Variants in MACROD2 observed in about 807,000 individuals in gnomAD.
MACROD2 encodes the protein ADP-ribose glycohydrolase MACROD2.
MACROD2 carries 36 observed loss-of-function variants against 70.4 expected under a neutral mutation model. That is an observed-to-expected ratio of 0.51 (90% CI 0.39 to 0.68). The LOEUF (loss-of-function observed/expected upper bound fraction) is 0.68. MACROD2 is among the 30% of genes least tolerant of loss of function. The pLI is 0.00. For missense variants in MACROD2, 496 were observed against 538.4 expected (o/e 0.92, Z 0.78); for synonymous variants, 172 against 178.8 (o/e 0.96, Z 0.30).
intron 5 of MACROD2, among the ~76,000 whole-genome samples, chr20:14,812,341 G>A (rs1447917587): frequency 6.6e-6 from 1 of 151,978 alleles, no homozygotes; most frequent in Non-Finnish European, 1.5e-5. Flanking sequence ...AACACCACAT[G>A]TTCTCACTCA....
In MACROD2 at chr20:15,759,145, C is replaced by CAAAAAA. The variant is rs57212358; in HGVS notation, c.646-103584_646-103579dup. Among the ~76,000 whole-genome samples the CAAAAAA allele has an allele frequency of 2.1e-3, 125 of 58,830 alleles. 2 individuals carry two copies. The highest frequency in any genetic ancestry group is 2.3e-3 in the Non-Finnish European group (74 of 32,716). 38.6% of individuals were successfully genotyped at this position (58,830 alleles called of 152,430 possible). On this transcript the variant is annotated intron_variant, in intron 8 of 17. Transcript: ENST00000684519. Reference sequence around the variant, plus strand: ...TGGGTGACAGAGCAAGACTCCATCTCAAAAAAAAAAAAAAAAAAAAACAGA... The same window carrying CAAAAAA: ...TGGGTGACAGAGCAAGACTCCATCTCAAAAAAAAAAAAAAAAAAAAAAAAAAACAGA...
chr20:14,406,988 T>C (rs1339370866), intron 3 of MACROD2, among the ~76,000 whole-genome samples: 1 of 152,160 alleles, frequency 6.6e-6, no homozygotes, highest in African/African-American at 2.4e-5. Context: ...ATGTGGGTTC[T>C]GTTATCATGA....
At chr20:14,460,441 C>T (rs2084355169) in intron 3 of MACROD2, among the ~76,000 whole-genome samples, 2 of 152,034 alleles carry the variant, frequency 1.3e-5, no homozygotes, top group African/African-American at 4.8e-5. Flanking sequence ...GATGGTAACC[C>T]ACTGTGATTT....
At chr20:14,690,248 A>C (rs2071047798) in intron 5 of MACROD2, among the ~76,000 whole-genome samples, 1 of 145,908 alleles carries the variant, frequency 6.9e-6, no homozygotes, top group Non-Finnish European at 1.5e-5. Context: ...AAATGGTGGA[A>C]TCTGTTTCTT....
intron 5 of MACROD2, among the ~76,000 whole-genome samples, chr20:15,024,787 T>C (rs953262068): frequency 6.6e-6 from 1 of 152,192 alleles, no homozygotes; most frequent in Non-Finnish European, 1.5e-5. Flanking sequence ...AACAGACTAT[T>C]GATCTAGTTT....
intron 3 of MACROD2, among the ~76,000 whole-genome samples, chr20:14,291,905 G>A (rs1170401981): frequency 6.6e-6 from 1 of 151,908 alleles, no homozygotes; most frequent in African/African-American, 2.4e-5. Context: ...TTTTAGGCAA[G>A]TGGTTCACTA....
chr20:14,008,739 CA>C (rs572318136), intron 2 of MACROD2, among the ~76,000 whole-genome samples: 78 of 152,218 alleles, frequency 5.1e-4, no homozygotes, highest in African/African-American at 1.8e-3. Context: ...CCAAAGTAAC[CA>C]AAATGGCATG....
intron 9 of MACROD2, among the ~76,000 whole-genome samples, chr20:15,869,267 A>AGAGAGAGAGAGAGAGAGAGAGC (rs2064546365): frequency 7.1e-6 from 1 of 141,244 alleles, no homozygotes; most frequent in African/African-American, 2.6e-5. Context: ...AGAGAGAGAG[A>AGAGAGAGAGAGAGAGAGAGAGC]GCAATGCTGG....
At chr20:14,308,154 G>T (rs1980625) in intron 3 of MACROD2, among the ~76,000 whole-genome samples, 137,048 of 152,180 alleles carry the variant, frequency 0.9, 61,825 homozygotes, top group Non-Finnish European at 0.92. Context: ...GAGCTAAACT[G>T]GCTGTAATAA....
chr20:14,584,748 G>A (rs1236875606), intron 4 of MACROD2, among the ~76,000 whole-genome samples: 1 of 152,056 alleles, frequency 6.6e-6, no homozygotes. Flanking sequence ...AATTCATTGA[G>A]CCTAATTAAA....
intron 8 of MACROD2, among the ~76,000 whole-genome samples, chr20:15,678,634 TAAATA>T (rs1400846756): frequency 6.6e-6 from 1 of 152,018 alleles, no homozygotes; most frequent in Non-Finnish European, 1.5e-5. Context: ...AAAAAATAAA[TAAATA>T]AAATGTAAAA....
At chr20:14,569,712 G>C (rs1338475877) in intron 4 of MACROD2, among the ~76,000 whole-genome samples, 1 of 151,882 alleles carries the variant, frequency 6.6e-6, no homozygotes, top group African/African-American at 2.4e-5. Flanking sequence ...ACTATCTTCT[G>C]TGTGGCCAAA....
At position 15,031,576 on chromosome 20, in the gene MACROD2, A is replaced by G. The variant is rs557002317; in HGVS notation, c.419-198364A>G. Among the ~76,000 whole-genome samples the G allele has an allele frequency of 1.1e-4, 17 of 152,280 alleles. No individual in the cohort carries two copies. In the South Asian group the frequency reaches 1.2e-3, roughly 11 times the overall value. On this transcript the variant is annotated intron_variant, in intron 5 of 17. Coordinates refer to ENST00000684519, the MANE Select transcript of MACROD2 (RefSeq NM_001351661.2). The stretch of plus-strand genomic sequence containing the variant: ...CTAGCGTTCAGCAGAGAGGGGACCC[A>G]TACTGGGTAGCTCCTTTCCACAGGC...
At chr20:14,781,158 G>A (rs1279019702) in intron 5 of MACROD2, among the ~76,000 whole-genome samples, 3 of 151,978 alleles carry the variant, frequency 2.0e-5, no homozygotes, top group Non-Finnish European at 2.9e-5. Context: ...TTTCTCAGCT[G>A]CAACTTTGTA....
intron 7 of MACROD2, among the ~76,000 whole-genome samples, chr20:15,432,255 T>C (rs1015643683): frequency 1.3e-5 from 2 of 152,134 alleles, no homozygotes; most frequent in Admixed American, 6.6e-5. Context: ...ACTACCTAGA[T>C]TGATGTCAAA....
At chr20:14,862,870 G>T (rs546859161) in intron 5 of MACROD2, among the ~76,000 whole-genome samples, 2 of 148,740 alleles carry the variant, frequency 1.3e-5, no homozygotes, top group Non-Finnish European at 3.0e-5. Context: ...CTGTAGTGAG[G>T]GATTTTGAAC....
At chr20:16,035,130 T>TTATA (rs1433848168) in intron 15 of MACROD2, among the ~76,000 whole-genome samples, 435 of 2,426 alleles carry the variant, frequency 0.18, 16 homozygotes, top group Non-Finnish European at 0.34. Context: ...TATAAAATAT[T>TTATA]ATATATTATA....
chr20:15,096,491 TATATA>T (rs903859249), intron 5 of MACROD2, among the ~76,000 whole-genome samples: 1 of 148,280 alleles, frequency 6.7e-6, no homozygotes, highest in African/African-American at 2.4e-5. Context: ...TATATAAATA[TATATA>T]ATATATGTTT....
chr20:14,916,093 C>A (rs1214160905), intron 5 of MACROD2, among the ~76,000 whole-genome samples: 1 of 152,168 alleles, frequency 6.6e-6, no homozygotes, highest in Non-Finnish European at 1.5e-5. Flanking sequence ...AATACCATTT[C>A]TTTTCTCTGC....
Sources: gnomAD v4.1 joint callset for allele counts (sites outside exome capture counted in the v4.1 genomes callset) on GRCh38, gnomAD v4.1.1 for gene constraint, MANE v1.5 for transcripts, NCBI Gene and HGNC (gene_info 2026-07-23, HGNC 2026-07-21) for gene names.